Variants in CDC23 observed in about 807,000 individuals in gnomAD.
The protein encoded by CDC23 is cell division cycle 23.
CDC23 carries 26 observed loss-of-function variants against 81.7 expected under a neutral mutation model. The observed-to-expected ratio is 0.32, with a 90% CI of 0.23 to 0.44. The LOEUF is 0.44. CDC23 is among the 20% of genes least tolerant of loss of function. The pLI is 1.00. For synonymous variants in CDC23, 267 were observed against 270.8 expected (o/e 0.99, Z 0.14); for missense variants, 519 against 728.0 (o/e 0.71, Z 3.30).
At chr5:138,204,365 C>T (rs1435816614) in intron 3 of CDC23, among the ~76,000 whole-genome samples, 1 of 151,838 alleles carries the variant, frequency 6.6e-6, no homozygotes, top group Non-Finnish European at 1.5e-5. Context: ...ATTAACTGGA[C>T]ATGCTGGCAT....
intron 2 of CDC23, 34 bp from the exon 3 acceptor site, chr5:138,206,718 G>A (rs1362762948): frequency 1.3e-6 from 2 of 1,566,754 alleles, no homozygotes. Context: ...AAGTGGTTGG[G>A]AATAGGACAA....
intron 12 of CDC23, 113 bp downstream of exon 12, chr5:138,191,747 CAG>C (rs1388291954): frequency 2.0e-6 from 2 of 991,242 alleles, no homozygotes; most frequent in Non-Finnish European, 3.2e-6. Context: ...TATAAATATT[CAG>C]ACTTTCCTAT....
chr5:138,188,688 T>A lies in CDC23; in HGVS notation c.*290A>T. On this transcript the variant is annotated 3_prime_UTR_variant, in exon 16 of 16. Coordinates refer to ENST00000394886, the MANE Select transcript of CDC23 (RefSeq NM_004661.4). ...GTGCTAAAGTGCTATAAAAGGGACTTTCTTGGGGGCCAAAAAAAAAAAGCA... is the reference window on the plus strand; with the variant it reads ...GTGCTAAAGTGCTATAAAAGGGACTATCTTGGGGGCCAAAAAAAAAAAGCA... 1 of 242,706 alleles carries A rather than the reference T, an allele frequency of 4.1e-6. No individual in the cohort carries two copies. The highest frequency in any genetic ancestry group is 2.2e-5 in the African/African-American group (1 of 44,506). The allele number at this position is 242,706 out of a possible 1,614,324, so 15.0% of individuals were successfully genotyped here. A position where few individuals can be genotyped will look rare whatever the true frequency, so the allele number is the denominator to read the frequency against.
At chr5:138,200,196 A>G (rs1458958325) in intron 6 of CDC23, among the ~76,000 whole-genome samples, 1 of 152,214 alleles carries the variant, frequency 6.6e-6, no homozygotes, top group Non-Finnish European at 1.5e-5. Flanking sequence ...AAATAGCACC[A>G]TCAGGGCTCA....
chr5:138,198,065 T>A lies in CDC23; in HGVS notation c.1012+134A>T, dbSNP rs1022044666. ...CCCTGACATCTGGGCTCTCAAGCGA[T>A]CCTCCCGCCTCAGTCTCCTGAGTAG... is the stretch of plus-strand genomic sequence containing the variant. On this transcript the variant is annotated intron_variant, in intron 9 of 15. Coordinates refer to ENST00000394886, the MANE Select transcript of CDC23 (RefSeq NM_004661.4). 12 of 653,630 alleles carry A rather than the reference T, an allele frequency of 1.8e-5. No individual in the cohort carries two copies. The African/African-American group carries it at 2.2e-4, about 12-fold the overall frequency. The allele number at this position is 653,630 out of a possible 1,614,324, so 40.5% of individuals were successfully genotyped here.
chr5:138,198,270 G>A lies in CDC23; in HGVS notation c.941C>T (p.Ser314Leu), dbSNP rs745709624. The A allele has an allele frequency of 1.2e-5, 19 of 1,612,806 alleles. No individual in the cohort carries two copies. Among genetic ancestry groups the A allele is most frequent in the East Asian group, 2.2e-5 (1 of 44,874 alleles). Residue 314 changes from serine (S) to leucine (L), a missense_variant, in exon 9 of 16, where the codon TCG becomes TTG. Physicochemically the swap from Ser to Leu is moderately radical, Grantham distance 145 (BLOSUM62 -2). Around this residue, in one of 4 missense-constraint regions of CDC23, gnomAD observed 175 missense variants for 337.8 expected, o/e 0.52. Coordinates refer to ENST00000394886, the MANE Select transcript of CDC23 (RefSeq NM_004661.4). ...GTTATGAGCCAGATAACTCAACTCC[G>A]ATTTCATGCTCTGGGATAAAAGAAA... ...SNLLYVRSMK[S>L]ELSYLAHNLC...
At position 138,213,198 on chromosome 5, in the gene CDC23, T is replaced by A; in HGVS notation, c.115A>T (p.Ile39Phe). Residue 39 changes from isoleucine (I) to phenylalanine (F), a missense_variant, in exon 1 of 16, where the codon ATT becomes TTT. Physicochemically the swap from Ile to Phe is conservative, Grantham distance 21. This residue lies in a region of CDC23 where 126 missense variants were observed against 116.2 expected (regional missense o/e 1.08). Coordinates refer to ENST00000394886, the MANE Select transcript of CDC23 (RefSeq NM_004661.4). Reference sequence around the variant, plus strand: ...CCCCGCTCCCGGGTAAGGCCCGCAATAAGCAGCAGTTGCTTTTTAATTTCC... The same window carrying A: ...CCCCGCTCCCGGGTAAGGCCCGCAAAAAGCAGCAGTTGCTTTTTAATTTCC... ...LREIKKQLLL[I>F]AGLTRERGLL... 1 of 1,614,210 alleles carries A rather than the reference T, an allele frequency of 6.2e-7. No individual in the cohort carries two copies. Among genetic ancestry groups the A allele is most frequent in the Non-Finnish European group, 8.5e-7 (1 of 1,180,036 alleles).
chr5:138,205,289 A>C (rs1755035824), intron 3 of CDC23, among the ~76,000 whole-genome samples: 1 of 152,226 alleles, frequency 6.6e-6, no homozygotes, highest in African/African-American at 2.4e-5. Flanking sequence ...ATTTCAAAAT[A>C]TCTTTCTTAA....
At chr5:138,207,832 C>T (rs1479711890) in intron 2 of CDC23, among the ~76,000 whole-genome samples, 2 of 151,810 alleles carry the variant, frequency 1.3e-5, no homozygotes, top group African/African-American at 2.4e-5. Flanking sequence ...TACTATGTGC[C>T]GGGGGTCCCA....
rs1339101340 is a variant in CDC23, at chr5:138,191,509, T to A, written c.1389A>T (p.Gly463=). 1 of 1,613,992 alleles carries A rather than the reference T, an allele frequency of 6.2e-7. No individual in the cohort carries two copies. The highest frequency in any genetic ancestry group is 2.2e-5 in the East Asian group (1 of 44,898). ...KKCYWRAYAV[G]DVEKMALVKL... ...TCACCAGAGCCATTTTCTCCACATC[T>A]CCCACGGCGTAAGCTCTCCAATAAC... is the stretch of plus-strand genomic sequence containing the variant. Residue 463 remains glycine (G), a synonymous_variant, in exon 13 of 16, where the codon GGA becomes GGT. Coordinates refer to ENST00000394886, the MANE Select transcript of CDC23 (RefSeq NM_004661.4).
intron 9 of CDC23, among the ~76,000 whole-genome samples, chr5:138,195,580 T>TA (rs1301288123): frequency 1.6e-4 from 11 of 70,754 alleles, no homozygotes; most frequent in East Asian, 1.4e-3. Flanking sequence ...ATATATAATA[T>TA]ATTATATATA....
intron 3 of CDC23, among the ~76,000 whole-genome samples, chr5:138,205,267 T>C (rs1465334055): frequency 6.6e-6 from 1 of 152,210 alleles, no homozygotes; most frequent in African/African-American, 2.4e-5. Flanking sequence ...GATTAACTTT[T>C]TAAATCCCAT....
chr5:138,201,545 C>T (rs1754990005), intron 4 of CDC23, 97 bp from the exon 5 acceptor site: 2 of 845,306 alleles, frequency 2.4e-6, no homozygotes, highest in Non-Finnish European at 3.6e-6. Context: ...CAGGGTCTCG[C>T]TATGTTCCCT....
rs373021108 is a variant in CDC23, at chr5:138,192,338, C to T, written c.1217G>A (p.Gly406Glu). ...CATCTTAAGGATTTCATAGGTCTGC[C>T]CGAGGCCATACCAAGCTCTGTAGTC... ...KRDYRAWYGL[G>E]QTYEILKMPF... is the part of the protein sequence containing the mutation. Residue 406 changes from glycine (G) to glutamate (E), a missense_variant, in exon 11 of 16, where the codon GGG becomes GAG. By Grantham distance (98) the Gly-to-Glu change is moderately conservative. This residue lies in a region of CDC23 where 175 missense variants were observed against 337.8 expected (regional missense o/e 0.52). Transcript: ENST00000394886. The T allele has an allele frequency of 6.2e-7, 1 of 1,613,970 alleles. No homozygotes were observed. The highest frequency in any genetic ancestry group is 8.5e-7 in the Non-Finnish European group (1 of 1,180,026).
At chr5:138,200,522 T>C (rs1297938123) in intron 6 of CDC23, among the ~76,000 whole-genome samples, 1 of 151,994 alleles carries the variant, frequency 6.6e-6, no homozygotes. Flanking sequence ...ATTCAGTCTA[T>C]AAAATAAGTA....
chr5:138,200,357 C>T (rs1008925467), intron 6 of CDC23, among the ~76,000 whole-genome samples: 1 of 151,968 alleles, frequency 6.6e-6, no homozygotes, highest in Non-Finnish European at 1.5e-5. Context: ...GTCTTGAACT[C>T]CTGACCTCAG....
At position 138,188,921 on chromosome 5, in the gene CDC23, T is replaced by G. The variant is rs1346820342; in HGVS notation, c.*57A>C. On this transcript the variant is annotated 3_prime_UTR_variant, in exon 16 of 16. Transcript: ENST00000394886. Reference sequence around the variant, plus strand: ...TGGAACAGACGTGCTGTTCTTTACATGGAGGTAAGGCTTAATTAAGATGGG... The same window carrying G: ...TGGAACAGACGTGCTGTTCTTTACAGGGAGGTAAGGCTTAATTAAGATGGG... The G allele has an allele frequency of 1.8e-5, 27 of 1,536,662 alleles. No individual in the cohort carries two copies. Among genetic ancestry groups the G allele is most frequent in the Non-Finnish European group, 5.3e-6 (6 of 1,127,302 alleles).
At chr5:138,190,390 G>A in intron 13 of CDC23, among the ~76,000 whole-genome samples, 1 of 151,696 alleles carries the variant, frequency 6.6e-6, no homozygotes, top group East Asian at 1.9e-4. Context: ...CTTGGAAGGT[G>A]GAGGTTGCAG....
Position 138,189,534 on chromosome 5 carries a change from T to C in CDC23, c.1623+99A>G, listed in dbSNP as rs1377067922. ...TCAGCCTCCCAAAGTGTTGGGATTATAGGTGTGAGCCGCTTGCCTGGCCAA... is the reference window on the plus strand; with the variant it reads ...TCAGCCTCCCAAAGTGTTGGGATTACAGGTGTGAGCCGCTTGCCTGGCCAA... On this transcript the variant is annotated intron_variant, in intron 15 of 15. Transcript: ENST00000394886. 10 of 1,174,712 alleles carry C rather than the reference T, an allele frequency of 8.5e-6. No homozygotes were observed. The African/African-American group carries it at 9.2e-5, about 11-fold the overall frequency. The allele number at this position is 1,174,712 out of a possible 1,614,324, so 72.8% of individuals were successfully genotyped here. A position where few individuals can be genotyped will look rare whatever the true frequency, so the allele number is the denominator to read the frequency against.
Sources: gnomAD v4.1 joint callset for allele counts (sites outside exome capture counted in the v4.1 genomes callset) on GRCh38, gnomAD v4.1.1 for gene constraint, gnomAD v4.1.1 regional missense constraint, MANE v1.5 for transcripts, NCBI Gene and HGNC (gene_info 2026-07-23, HGNC 2026-07-21) for gene names.